TSTD2: variants seen among roughly 807,000 people sequenced by gnomAD.
The protein encoded by TSTD2 is thiosulfate sulfurtransferase like domain containing 2.
A neutral mutation model predicts 47.9 loss-of-function variants in TSTD2; 37 were observed. The ratio of observed to expected loss-of-function variants is 0.77; its 90% confidence interval spans 0.59 to 1.02. The LOEUF (loss-of-function observed/expected upper bound fraction) is 1.02. Ranked by LOEUF, TSTD2 falls within the 50% of genes least tolerant of loss-of-function variation. The pLI is 0.00. For synonymous variants in TSTD2, 201 were observed against 215.9 expected (o/e 0.93, Z 0.61); for missense variants, 586 against 616.0 (o/e 0.95, Z 0.52).
chr9:97,602,615 C>G lies in TSTD2; in HGVS notation c.1405G>C (p.Gly469Arg), dbSNP rs149157260. ...TCTTTAAAGCTGTCTTGCATAGGGC[C>G]TGAAACTTTCCTGCTCCCCTTGTCT... ...CQDKGSRKVS[G>R]PMQDSFKEEC... Residue 469 changes from glycine (G) to arginine (R), a missense_variant, in exon 10 of 10, where the codon GGC becomes CGC. By Grantham distance (125) the Gly-to-Arg change is moderately radical. Transcript: ENST00000341170. The G allele has an allele frequency of 3.1e-6, 5 of 1,614,214 alleles. No individual in the cohort carries two copies. In the African/African-American group the frequency reaches 6.7e-5, roughly 22 times the overall value.
At chr9:97,624,863 G>T (rs1357880372) in intron 3 of TSTD2, among the ~76,000 whole-genome samples, 1 of 152,032 alleles carries the variant, frequency 6.6e-6, no homozygotes, top group African/African-American at 2.4e-5. Flanking sequence ...AGTAAATGAT[G>T]CATTTTTCTG....
chr9:97,623,049 CA>C (rs556117539), intron 3 of TSTD2, among the ~76,000 whole-genome samples: 175 of 152,282 alleles, frequency 1.1e-3, no homozygotes, highest in Admixed American at 2.0e-3. Context: ...TGGGAGGGGC[CA>C]GGGGCAGAAT....
At chr9:97,630,981 T>C (rs992468742) in intron 1 of TSTD2, among the ~76,000 whole-genome samples, 1 of 152,236 alleles carries the variant, frequency 6.6e-6, no homozygotes, top group African/African-American at 2.4e-5. Context: ...CAAATACAAC[T>C]GTTCAAAACC....
intron 4 of TSTD2, among the ~76,000 whole-genome samples, chr9:97,613,762 T>G (rs983660380): frequency 2.2e-4 from 33 of 152,302 alleles, no homozygotes; most frequent in Admixed American, 9.2e-4. Context: ...TTTGAAAATT[T>G]TTAATGGCTG....
intron 6 of TSTD2, among the ~76,000 whole-genome samples, chr9:97,607,405 T>C (rs1826383164): frequency 6.6e-6 from 1 of 152,148 alleles, no homozygotes; most frequent in African/African-American, 2.4e-5. Flanking sequence ...AGGAGCCTCA[T>C]TCCCCTCAGA....
At chr9:97,614,402 T>C (rs570771916) in intron 4 of TSTD2, among the ~76,000 whole-genome samples, 1 of 136,414 alleles carries the variant, frequency 7.3e-6, no homozygotes, top group Admixed American at 7.3e-5. Flanking sequence ...GCATTCTATA[T>C]TCTCCAAATA....
intron 9 of TSTD2, chr9:97,603,162 C>T (rs1397799651): frequency 1.0e-5 from 2 of 194,346 alleles, no homozygotes; most frequent in African/African-American, 4.8e-5. Flanking sequence ...GGACAACACA[C>T]CTAAATACAG....
rs752043311 is a variant in TSTD2, at chr9:97,632,789, G to A, written c.-51+454C>T. Among the ~76,000 whole-genome samples, 3 of 152,198 alleles carry A rather than the reference G, an allele frequency of 2.0e-5. No individual in the cohort carries two copies. The East Asian group carries it at 5.8e-4, about 29-fold the overall frequency. Reference sequence around the variant, plus strand: ...CAGATAATTGTTATGTAAAAAGAGGGAAAAGAGCTAAGAAAGACTCTAAAT... The same window carrying A: ...CAGATAATTGTTATGTAAAAAGAGGAAAAAGAGCTAAGAAAGACTCTAAAT... On this transcript the variant is annotated intron_variant, in intron 1 of 9. Coordinates refer to ENST00000341170, the MANE Select transcript of TSTD2 (RefSeq NM_139246.5).
In TSTD2 at chr9:97,600,942, A is replaced by T. The variant is rs964520084; in HGVS notation, c.*1527T>A. 1 of 1,136,138 alleles carries T rather than the reference A, an allele frequency of 8.8e-7. No homozygotes were observed. Among genetic ancestry groups the T allele is most frequent in the Non-Finnish European group, 1.1e-6 (1 of 903,834 alleles). 70.4% of individuals were successfully genotyped at this position (1,136,138 alleles called of 1,614,324 possible). On this transcript the variant is annotated 3_prime_UTR_variant, in exon 10 of 10. Coordinates refer to ENST00000341170, the MANE Select transcript of TSTD2 (RefSeq NM_139246.5). ...TTTGTTGCTTTTGGGAGTTATTTTCATTAGTGATTTCAGCAAATCTCATGA... is the reference window on the plus strand; with the variant it reads ...TTTGTTGCTTTTGGGAGTTATTTTCTTTAGTGATTTCAGCAAATCTCATGA...
chr9:97,631,738 G>A (rs1022866688), intron 1 of TSTD2, among the ~76,000 whole-genome samples: 2 of 152,070 alleles, frequency 1.3e-5, no homozygotes, highest in East Asian at 1.9e-4. Flanking sequence ...CCGCTACTTG[G>A]GTGGCTAAGG....
In TSTD2 at chr9:97,617,761, C is replaced by T. The variant is rs758833095; in HGVS notation, c.599G>A (p.Gly200Asp). 6.2e-6 allele frequency: 10 copies of T among 1,613,012 alleles called. No individual in the cohort carries two copies. Among genetic ancestry groups the T allele is most frequent in the South Asian group, 2.2e-5 (2 of 90,876 alleles). ...TALCQHLHLT[G>D]KIRIAAEGIN... ...GAATATAGGAGAAGGTGTTACCTTG[C>T]CTGTGAGGTGCAGGTGCTGACACAG... Residue 200 changes from glycine to aspartate, a missense_variant, in exon 4 of 10, where the codon GGC (glycine) becomes GAC (aspartate). Transcript: ENST00000341170.
rs747048334 is a variant in TSTD2 at position 97,610,276 on chromosome 9, T to C, written c.835+70A>G. 8.6e-6 allele frequency: 12 copies of C among 1,397,434 alleles called. No individual in the cohort carries two copies. The Admixed American group carries it at 1.8e-4, about 21-fold the overall frequency. The allele number at this position is 1,397,434 out of a possible 1,614,324, so 86.6% of individuals were successfully genotyped here. The stretch of plus-strand genomic sequence containing the variant: ...CATGACTGCTGCTGATCACAGTGCC[T>C]AGCTTTCTTATTTGTCTATTAAGTT... On this transcript the variant is annotated intron_variant, in intron 6 of 9. Transcript: ENST00000341170.
At chr9:97,602,802 A>G (rs1247443537) in intron 9 of TSTD2, 35 bp from the exon 10 acceptor site, 4 of 1,566,960 alleles carry the variant, frequency 2.6e-6, no homozygotes, top group Non-Finnish European at 3.5e-6. Flanking sequence ...TTATAAACAC[A>G]TACATTCACA....
rs139884392 is a variant in TSTD2, at chr9:97,609,170, AAAT to A, written c.835+1173_835+1175del. On this transcript the variant is annotated intron_variant, in intron 6 of 9. Transcript: ENST00000341170. ...AATTTTTTATATTGATTACATGTTG[AAAT>A]AATATTTTTGATATACTGCATTAAG... 8.8e-3 allele frequency among the ~76,000 whole-genome samples: 1,341 copies of A among 152,332 alleles called. 75 individuals are homozygous for A. In the East Asian group the frequency reaches 0.16, roughly 18 times the overall value.
chr9:97,621,642 A>G (rs1826638587), intron 3 of TSTD2, among the ~76,000 whole-genome samples: 1 of 152,154 alleles, frequency 6.6e-6, no homozygotes, highest in East Asian at 1.9e-4. Flanking sequence ...GGGATGAAAT[A>G]CGCTCTGGTC....
chr9:97,605,472 T>G lies in TSTD2; in HGVS notation c.1113+11A>C. The G allele has an allele frequency of 6.2e-7, 1 of 1,612,782 alleles. No homozygotes were observed. The highest frequency in any genetic ancestry group is 8.5e-7 in the Non-Finnish European group (1 of 1,179,730). On this transcript the variant is annotated intron_variant, in intron 8 of 9. Coordinates refer to ENST00000341170, the MANE Select transcript of TSTD2 (RefSeq NM_139246.5). ...CTGCCATGCCCACAGTGCCCCGGGGTGGTGGCTCACCTTGGCTTTGAGGTA... is the reference window on the plus strand; with the variant it reads ...CTGCCATGCCCACAGTGCCCCGGGGGGGTGGCTCACCTTGGCTTTGAGGTA...
chr9:97,600,178 G>A lies in TSTD2; in HGVS notation c.*2291C>T. The A allele has an allele frequency of 2.0e-6, 2 of 995,880 alleles. No individual in the cohort carries two copies. Among genetic ancestry groups the A allele is most frequent in the South Asian group, 8.9e-5 (2 of 22,502 alleles). 61.7% of individuals were successfully genotyped at this position (995,880 alleles called of 1,614,324 possible). On this transcript the variant is annotated 3_prime_UTR_variant, in exon 10 of 10. Transcript: ENST00000341170. The stretch of plus-strand genomic sequence containing the variant: ...CTTTATTAACCCTCCTTGGAATTTT[G>A]AAAACCTCGATTAAAGTTGCCAAAT...
intron 4 of TSTD2, among the ~76,000 whole-genome samples, chr9:97,614,893 C>T (rs998158273): frequency 2.6e-5 from 4 of 152,142 alleles, no homozygotes; most frequent in Admixed American, 2.6e-4. Flanking sequence ...AAGCAGGAAG[C>T]CTGTGACATC....
intron 6 of TSTD2, among the ~76,000 whole-genome samples, chr9:97,606,983 A>G (rs1429465726): frequency 6.6e-6 from 1 of 152,162 alleles, no homozygotes; most frequent in Non-Finnish European, 1.5e-5. Context: ...TGGGGAACAT[A>G]GCGAGACTCT....
Sources: gnomAD v4.1 joint callset for allele counts (sites outside exome capture counted in the v4.1 genomes callset) on GRCh38, gnomAD v4.1.1 for gene constraint, MANE v1.5 for transcripts, NCBI Gene and HGNC (gene_info 2026-07-23, HGNC 2026-07-21) for gene names.